Variants in PCDHGB2 observed in about 807,000 individuals in gnomAD.
PCDHGB2 encodes protocadherin gamma-B2.
Under a neutral mutation model 59.3 loss-of-function variants are expected in PCDHGB2, and 55 were observed. The ratio of observed to expected loss-of-function variants is 0.93; its 90% CI spans 0.75 to 1.16. The LOEUF is 1.16. Ranked by LOEUF, PCDHGB2 falls within the 50% of genes most tolerant of loss-of-function variation. The pLI, the probability that PCDHGB2 is intolerant of heterozygous loss-of-function variation, is 0.00. For synonymous variants in PCDHGB2, 516 were observed against 512.0 expected (o/e 1.01, Z -0.11); for missense variants, 1,228 against 1,198.5 (o/e 1.02, Z -0.36).
At position 141,485,683 on chromosome 5, in the gene PCDHGB2, T is replaced by C. The variant is rs2099617681; in HGVS notation, c.2422-9124T>C. ...TGGGGAGCAATTCGATTAGCAGCTA[T>C]AGGCTGAGCTCCAATGAACACTTTG... On this transcript the variant is annotated intron_variant, in intron 1 of 3. Coordinates refer to ENST00000522605, the MANE Select transcript of PCDHGB2 (RefSeq NM_018923.3). This position sits in a 1 kb window ranked among gnomAD's most constrained non-coding sequence, Gnocchi z 5.7. 3.7e-6 allele frequency: 6 copies of C among 1,614,042 alleles called. No individual in the cohort carries two copies. The South Asian group carries it at 4.4e-5, about 12-fold the overall frequency.
rs762196264 is a variant in PCDHGB2, at chr5:141,364,884, G to A, written c.2421+2328G>A. The stretch of plus-strand genomic sequence containing the variant: ...CACTTCTCTCTGGATGTGGTAAGCG[G>A]AACTGATGGACAAAAGTATCCGGAG... On this transcript the variant is annotated intron_variant, in intron 1 of 3. Transcript: ENST00000522605. 1.9e-6 allele frequency: 3 copies of A among 1,613,884 alleles called. No individual in the cohort carries two copies. The Admixed American group carries it at 5.0e-5, about 27-fold the overall frequency.
chr5:141,383,226 G>A (rs771882574), intron 1 of PCDHGB2: 1 of 1,613,936 alleles, frequency 6.2e-7, no homozygotes, highest in Non-Finnish European at 8.5e-7. Flanking sequence ...TTAACATCCT[G>A]ATGGAAGATA....
intron 1 of PCDHGB2, chr5:141,370,795 G>A: frequency 6.2e-7 from 1 of 1,613,996 alleles, no homozygotes; most frequent in Middle Eastern, 1.6e-4. Flanking sequence ...CCGACCTTTA[G>A]CCAAAATATC....
intron 1 of PCDHGB2, chr5:141,409,281 C>A (rs1238898498): frequency 6.2e-7 from 1 of 1,613,874 alleles, no homozygotes; most frequent in Non-Finnish European, 8.5e-7. Flanking sequence ...TTGGAGAATT[C>A]ACCTCCAGGA....
rs768559201 is a variant in PCDHGB2, at chr5:141,431,344, G to A, written c.2422-63463G>A. Reference sequence around the variant, plus strand: ...ACGGTAGTAAGTACCCCGAATTGGTGCTGAAACGCGCCCTGGACCGCGAAG... The same window carrying A: ...ACGGTAGTAAGTACCCCGAATTGGTACTGAAACGCGCCCTGGACCGCGAAG... On this transcript the variant is annotated intron_variant, in intron 1 of 3. Coordinates refer to ENST00000522605, the MANE Select transcript of PCDHGB2 (RefSeq NM_018923.3). The surrounding 1 kb of genome is among the most constrained non-coding windows in gnomAD (Gnocchi z 4.8). 3.9e-5 allele frequency: 63 copies of A among 1,614,078 alleles called. No homozygotes were observed. Among genetic ancestry groups the A allele is most frequent in the Non-Finnish European group, 5.0e-5 (59 of 1,180,044 alleles).
chr5:141,376,427 C>T (rs1772674192), intron 1 of PCDHGB2: 1 of 1,614,104 alleles, frequency 6.2e-7, no homozygotes, highest in Non-Finnish European at 8.5e-7. Context: ...GCTTATCAAC[C>T]AGGAGAGCTA....
intron 2 of PCDHGB2, among the ~76,000 whole-genome samples, chr5:141,500,768 A>C (rs2099802446): frequency 6.6e-6 from 1 of 152,180 alleles, no homozygotes; most frequent in African/African-American, 2.4e-5. Flanking sequence ...AACTCCTCTT[A>C]TGAATATACA....
At chr5:141,408,914 A>C in intron 1 of PCDHGB2, 1 of 1,613,446 alleles carries the variant, frequency 6.2e-7, no homozygotes, top group Non-Finnish European at 8.5e-7. Context: ...TACCAATGAT[A>C]ACCCCCCGGT....
intron 1 of PCDHGB2, among the ~76,000 whole-genome samples, chr5:141,470,268 G>A (rs1349444076): frequency 6.6e-6 from 1 of 152,082 alleles, no homozygotes; most frequent in East Asian, 1.9e-4. Flanking sequence ...GGAGATACAT[G>A]TTTGTTTGAT....
intron 1 of PCDHGB2, chr5:141,423,181 C>T: frequency 1.2e-6 from 2 of 1,613,578 alleles, no homozygotes; most frequent in East Asian, 2.2e-5. Flanking sequence ...GGACCACGGC[C>T]AGCCCCCTCT....
chr5:141,374,126 C>T, intron 1 of PCDHGB2: 1 of 1,602,982 alleles, frequency 6.2e-7, no homozygotes, highest in Middle Eastern at 1.7e-4. Flanking sequence ...CGAGCAGGTC[C>T]TGCTCCTCAC....
At position 141,431,007 on chromosome 5, in the gene PCDHGB2, G is replaced by C. The variant is rs149559471; in HGVS notation, c.2422-63800G>C. On this transcript the variant is annotated intron_variant, in intron 1 of 3. Transcript: ENST00000522605. This position sits in a 1 kb window ranked among gnomAD's most constrained non-coding sequence, Gnocchi z 4.8. Reference sequence around the variant, plus strand: ...TTCGCCCTGAATCCGCGCAGCGGCAGCTTGGTCACGGCGGGCAGGATAGAC... The same window carrying C: ...TTCGCCCTGAATCCGCGCAGCGGCACCTTGGTCACGGCGGGCAGGATAGAC... 10 of 1,614,050 alleles carry C rather than the reference G, an allele frequency of 6.2e-6. No homozygotes were observed. The highest frequency in any genetic ancestry group is 8.5e-6 in the Non-Finnish European group (10 of 1,180,018).
intron 1 of PCDHGB2, among the ~76,000 whole-genome samples, chr5:141,446,545 C>T (rs903831454): frequency 4.6e-5 from 7 of 151,914 alleles, no homozygotes; most frequent in African/African-American, 1.7e-4. Context: ...GGCCCTATCT[C>T]TGCTCACTGC....
chr5:141,471,843 T>C (rs1471729261), intron 1 of PCDHGB2, among the ~76,000 whole-genome samples: 2 of 152,166 alleles, frequency 1.3e-5, no homozygotes, highest in Admixed American at 6.5e-5. Context: ...TTTAATAAAA[T>C]ATTCAGAAAA....
Position 141,490,705 on chromosome 5 carries a change from C to T in PCDHGB2, c.2422-4102C>T. 1 of 1,614,194 alleles carries T rather than the reference C, an allele frequency of 6.2e-7. No individual in the cohort carries two copies. Among genetic ancestry groups the T allele is most frequent in the South Asian group, 1.1e-5 (1 of 91,082 alleles). On this transcript the variant is annotated intron_variant, in intron 1 of 3. Coordinates refer to ENST00000522605, the MANE Select transcript of PCDHGB2 (RefSeq NM_018923.3). This position sits in a 1 kb window ranked among gnomAD's most constrained non-coding sequence, Gnocchi z 5.4. ...TCCAGACACTGGGGATAATGCCCGC[C>T]TCACCTACTCCATTGTAGGAAATCA...
intron 1 of PCDHGB2, chr5:141,393,977 T>TA: frequency 6.2e-7 from 1 of 1,613,870 alleles, no homozygotes; most frequent in Non-Finnish European, 8.5e-7. Flanking sequence ...ACACACGTGA[T>TA]AATTTACCTT....
In PCDHGB2 at chr5:141,487,161, T is replaced by G; in HGVS notation, c.2422-7646T>G. ...CTCTCTACCTCTGTTACTCTCTTAGTGTCCTTAGAGGAAGACACTCATCCA... is the reference window on the plus strand; with the variant it reads ...CTCTCTACCTCTGTTACTCTCTTAGGGTCCTTAGAGGAAGACACTCATCCA... On this transcript the variant is annotated intron_variant, in intron 1 of 3. Transcript: ENST00000522605. The surrounding 1 kb of genome is among the most constrained non-coding windows in gnomAD (Gnocchi z 5.0). The G allele has an allele frequency of 6.2e-7, 1 of 1,613,528 alleles. No individual in the cohort carries two copies. The highest frequency in any genetic ancestry group is 1.1e-5 in the South Asian group (1 of 91,072).
chr5:141,383,462 A>G (rs2072315), intron 1 of PCDHGB2: 731,761 of 1,613,122 alleles, frequency 0.45, 173,214 homozygotes, highest in African/African-American at 0.81. Flanking sequence ...GGAGACGATG[A>G]AACTAAGTAC....
Position 141,360,755 on chromosome 5 carries a change from T to A in PCDHGB2, c.620T>A (p.Leu207Ter). The A allele has an allele frequency of 6.2e-7, 1 of 1,613,972 alleles. No homozygotes were observed. Among genetic ancestry groups the A allele is most frequent in the Non-Finnish European group, 8.5e-7 (1 of 1,179,902 alleles). Residue 207 changes from leucine to a stop codon, truncating the protein, a stop_gained, in exon 1 of 4, where the codon TTA becomes TAA. Transcript: ENST00000522605. LOFTEE classifies it high-confidence loss of function. Reference protein sequence around the residue: ...KHSLDREEHSLHQLVLTAVDG... With the variant: ...KHSLDREEHS ...TCTCTGGACAGAGAAGAGCACAGTT[T>A]ACATCAATTGGTCCTCACAGCTGTG...
Sources: gnomAD v4.1 joint callset for allele counts (sites outside exome capture counted in the v4.1 genomes callset) on GRCh38, gnomAD v4.1.1 for gene constraint, Gnocchi (gnomAD v3.1) non-coding constraint, MANE v1.5 for transcripts, NCBI Gene and HGNC (gene_info 2026-07-23, HGNC 2026-07-21) for gene names.